Variants in DDX19A observed in about 807,000 individuals in gnomAD.
DDX19A encodes the protein ATP-dependent RNA helicase DDX19A.
In DDX19A, 12 loss-of-function variants were observed where a neutral mutation model predicts 60.6. The ratio of observed to expected loss-of-function variants is 0.20; its 90% CI spans 0.13 to 0.32. The LOEUF is 0.32. Ranked by LOEUF, DDX19A falls within the 10% of genes least tolerant of loss-of-function variation. The probability of loss-of-function intolerance (pLI) is 1.00; values close to 1 mark genes in which losing one functional copy is unlikely to be tolerated. For missense variants in DDX19A, 337 were observed against 600.6 expected, an observed-to-expected ratio of 0.56 and a Z score of 4.59; for synonymous variants, 206 against 218.2, an observed-to-expected ratio of 0.94 and a Z score of 0.49.
chr16:70,352,141 A>G (rs1053828194), intron 2 of DDX19A, among the ~76,000 whole-genome samples: 5 of 152,184 alleles, frequency 3.3e-5, no homozygotes, highest in Non-Finnish European at 7.3e-5. Flanking sequence ...CAAAGACTTT[A>G]TGCAAAGCAA....
At chr16:70,367,152 G>C (rs2151643254) in intron 9 of DDX19A, among the ~76,000 whole-genome samples, 1 of 152,228 alleles carries the variant, frequency 6.6e-6, no homozygotes. Context: ...AAGATGGCCG[G>C]GTACGGTGGC....
rs750109222 is a variant in DDX19A, at chr16:70,365,067, G to C, written c.540G>C (p.Val180=). The change falls in exon 7 of 12, where the codon GTG becomes GTC. Residue 180 remains valine (V), a synonymous_variant. Coordinates refer to ENST00000302243, the MANE Select transcript of DDX19A (RefSeq NM_018332.5). ...AGCTGGCGCTTCAAACAGGAAAAGT[G>C]ATTGAGCAGATGGGCAAATTTTACC... ...TYELALQTGK[V]IEQMGKFYPE... is the part of the protein sequence containing the mutation. 9 of 1,614,212 alleles carry C rather than the reference G, an allele frequency of 5.6e-6. No individual in the cohort carries two copies. In the South Asian group the frequency reaches 9.9e-5, roughly 18 times the overall value.
At chr16:70,347,349 T>G in intron 1 of DDX19A, 1 of 448,712 alleles carries the variant, frequency 2.2e-6, no homozygotes, top group East Asian at 4.0e-5. Flanking sequence ...TAGATTCTGA[T>G]TCTCTTTTTC....
rs141854985 is a variant in DDX19A, at chr16:70,365,933, C to T, written c.605-152C>T. 2,902 of 1,173,812 alleles carry T rather than the reference C, an allele frequency of 2.5e-3. 44 individuals carry two copies. The African/African-American group carries it at 0.039, about 16-fold the overall frequency. The allele number at this position is 1,173,812 out of a possible 1,614,324, so 72.7% of individuals were successfully genotyped here. A position where few individuals can be genotyped will look rare whatever the true frequency, so the allele number is the denominator to read the frequency against. On this transcript the variant is annotated intron_variant, in intron 7 of 11. Coordinates refer to ENST00000302243, the MANE Select transcript of DDX19A (RefSeq NM_018332.5). ...AGGTGTCATTCTGCCCACTTCACAG[C>T]AGAAGAGACCAAGACTGAGGGGAAC... is the stretch of plus-strand genomic sequence containing the variant.
At position 70,372,204 on chromosome 16, in the gene DDX19A, TC is replaced by T. The variant is rs2151648576; in HGVS notation, c.*222del. The T allele has an allele frequency of 3.0e-6, 2 of 675,750 alleles. No homozygotes were observed. The allele number at this position is 675,750 out of a possible 1,614,324, so 41.9% of individuals were successfully genotyped here. On this transcript the variant is annotated 3_prime_UTR_variant, in exon 12 of 12. Transcript: ENST00000302243. ...TTGCATTTTGGAAAATTGGGTCCTT[TC>T]CCCACTTTTTTAAAGCCACATTCCC...
chr16:70,370,807 C>G (rs1313336030), intron 10 of DDX19A: 1 of 187,962 alleles, frequency 5.3e-6, no homozygotes, highest in Non-Finnish European at 1.1e-5. Context: ...ACCAGCCTGA[C>G]CAATATGGTG....
Position 70,366,143 on chromosome 16 carries a change from G to A in DDX19A, c.663G>A (p.Leu221=), listed in dbSNP as rs946872428. The change falls in exon 8 of 12, where the codon CTG becomes CTA. Residue 221 remains leucine (L), a synonymous_variant. Transcript: ENST00000302243. ...TCATTGGCACCCCTGGGACCGTGCT[G>A]GACTGGTGCTCCAAGCTCAAGTTCA... ...QIVIGTPGTV[L]DWCSKLKFID... is the part of the protein sequence containing the mutation. The A allele has an allele frequency of 2.8e-5, 45 of 1,614,004 alleles. No individual in the cohort carries two copies. The highest frequency in any genetic ancestry group is 3.6e-5 in the Non-Finnish European group (42 of 1,180,030).
intron 4 of DDX19A, 108 bp downstream of exon 4, chr16:70,356,355 T>C: frequency 6.6e-7 from 1 of 1,517,336 alleles, no homozygotes; most frequent in East Asian, 2.3e-5. Context: ...ATTTAGTGTA[T>C]TTTTTCCTTT....
Position 70,372,060 on chromosome 16 carries a change from C to A in DDX19A, c.*74C>A. 6.2e-7 allele frequency: 1 copy of A among 1,607,918 alleles called. No homozygotes were observed. The highest frequency in any genetic ancestry group is 8.5e-7 in the Non-Finnish European group (1 of 1,174,516). On this transcript the variant is annotated 3_prime_UTR_variant, in exon 12 of 12. Transcript: ENST00000302243. ...GAGACAAGTGCATTTAGGGCACAGG[C>A]CCCGACATCACCCCAAGGACAACGG...
At chr16:70,369,808 G>A (rs533842125) in intron 9 of DDX19A, among the ~76,000 whole-genome samples, 67 of 151,352 alleles carry the variant, frequency 4.4e-4, no homozygotes, top group African/African-American at 1.5e-3. Context: ...GACAGGTTTG[G>A]CCATGTTCCC....
At chr16:70,369,178 T>G (rs1022718102) in intron 9 of DDX19A, among the ~76,000 whole-genome samples, 12 of 127,712 alleles carry the variant, frequency 9.4e-5, no homozygotes, top group East Asian at 6.8e-4. Flanking sequence ...ATCTGGTTTT[T>G]TTTTTTTTTT....
At position 70,350,583 on chromosome 16, in the gene DDX19A, G is replaced by C; in HGVS notation, c.84G>C (p.Glu28Asp). The change falls in exon 2 of 12, where the codon GAG (glutamate) becomes GAC (aspartate). Residue 28 changes from glutamate to aspartate, a missense_variant. Physicochemically the swap from Glu to Asp is conservative, Grantham distance 45 (BLOSUM62 2). This residue lies in a region of DDX19A where 127 missense variants were observed against 160.3 expected (regional missense o/e 0.79). Coordinates refer to ENST00000302243, the MANE Select transcript of DDX19A (RefSeq NM_018332.5). ...TGACCAATTTGCAGATCAAGGAAGAGAAAGTCAAAGCAGATACCAATGGTG... is the reference window on the plus strand; with the variant it reads ...TGACCAATTTGCAGATCAAGGAAGACAAAGTCAAAGCAGATACCAATGGTG... ...KSMTNLQIKE[E>D]KVKADTNGII... The C allele has an allele frequency of 6.2e-7, 1 of 1,612,552 alleles. No homozygotes were observed. The highest frequency in any genetic ancestry group is 8.5e-7 in the Non-Finnish European group (1 of 1,179,390).
At chr16:70,366,471 C>G in intron 8 of DDX19A, 153 bp from the exon 9 acceptor site, 1 of 1,268,934 alleles carries the variant, frequency 7.9e-7, no homozygotes, top group Non-Finnish European at 1.1e-6. Context: ...TTCCCCAACC[C>G]TTGTCCCCAT....
At chr16:70,370,149 A>G (rs2151646407) in intron 9 of DDX19A, 74 bp from the exon 10 acceptor site, 1 of 1,517,576 alleles carries the variant, frequency 6.6e-7, no homozygotes, top group East Asian at 2.4e-5. Context: ...CCTGAGTGAC[A>G]GCAAGACTGT....
At chr16:70,348,799 G>A (rs749659203) in intron 1 of DDX19A, among the ~76,000 whole-genome samples, 26 of 152,004 alleles carry the variant, frequency 1.7e-4, no homozygotes, top group Admixed American at 5.9e-4. Context: ...AAAATTAGCT[G>A]GGCGGGGTGG....
chr16:70,365,819 T>G, intron 7 of DDX19A: 1 of 536,130 alleles, frequency 1.9e-6, no homozygotes, highest in Non-Finnish European at 3.3e-6. Context: ...AGTTGGATGA[T>G]GTTGGATTAT....
chr16:70,370,129 T>C, intron 9 of DDX19A, 94 bp from the exon 10 acceptor site: 1 of 1,466,840 alleles, frequency 6.8e-7, no homozygotes, highest in Non-Finnish European at 9.0e-7. Flanking sequence ...CCCAGGACTT[T>C]TTAGATCACC....
intron 4 of DDX19A, among the ~76,000 whole-genome samples, chr16:70,359,085 T>C (rs555485302): frequency 6.6e-6 from 1 of 152,324 alleles, no homozygotes; most frequent in Admixed American, 6.5e-5. Flanking sequence ...AAAGACAGGT[T>C]CTCTCTGATT....
In DDX19A at chr16:70,371,425, A is replaced by G. The variant is rs776098661; in HGVS notation, c.1237A>G (p.Lys413Glu). Residue 413 changes from lysine to glutamate, a missense_variant, in exon 11 of 12, where the codon AAG becomes GAG. Lys to Glu is a moderately conservative substitution (Grantham distance 56, BLOSUM62 1). This residue lies in a region of DDX19A where 117 missense variants were observed against 274.3 expected (regional missense o/e 0.43). Coordinates refer to ENST00000302243, the MANE Select transcript of DDX19A (RefSeq NM_018332.5). The part of the protein sequence containing the change: ...VVINFDLPVD[K>E]DGNPDNETYL... ...CATCAACTTTGATCTTCCCGTGGAC[A>G]AGGACGGGAATCCTGACAATGAGAC... 3 of 1,613,194 alleles carry G rather than the reference A, an allele frequency of 1.9e-6. No individual in the cohort carries two copies. The African/African-American group carries it at 4.0e-5, about 22-fold the overall frequency.
Sources: allele counts gnomAD v4.1 joint callset (sites outside exome capture counted in the v4.1 genomes callset), GRCh38; gene constraint gnomAD v4.1.1; regional missense constraint gnomAD v4.1.1; transcripts MANE v1.5; gene names NCBI Gene and HGNC (gene_info 2026-07-23, HGNC 2026-07-21).